Variants in DCK observed in about 807,000 individuals in gnomAD.
DCK encodes the protein deoxyadenosine kinase.
In DCK, 23 loss-of-function variants were observed where a neutral mutation model predicts 38.3. The observed-to-expected ratio is 0.60, with a 90% CI of 0.43 to 0.85. DCK has a LOEUF of 0.85. Among genes scored for constraint, DCK ranks in the 40% least tolerant of loss-of-function variants. The pLI, the probability that DCK is intolerant of heterozygous loss-of-function variation, is 0.00. For missense variants in DCK, 259 were observed against 304.4 expected, an observed-to-expected ratio of 0.85 and a Z score of 1.11; for synonymous variants, 108 against 100.6, an observed-to-expected ratio of 1.07 and a Z score of -0.44.
chr4:71,008,972 G>A (rs7698012), intron 2 of DCK, among the ~76,000 whole-genome samples: 148,395 of 152,282 alleles, frequency 0.97, 72,427 homozygotes, highest in Non-Finnish European at 1. Context: ...GGGAAGGGTA[G>A]GAGGAGGGGA....
chr4:71,026,254 G>A (rs1358216387), intron 5 of DCK, among the ~76,000 whole-genome samples: 1 of 152,094 alleles, frequency 6.6e-6, no homozygotes, highest in African/African-American at 2.4e-5. Context: ...AGATTGTATA[G>A]CGTGGTTGTT....
intron 2 of DCK, among the ~76,000 whole-genome samples, chr4:71,021,607 G>A (rs1018554084): frequency 2.6e-5 from 4 of 152,130 alleles, no homozygotes; most frequent in African/African-American, 7.2e-5. Context: ...AAAATCATCC[G>A]GGAATGGTGG....
At chr4:70,999,452 T>C (rs1560678900) in intron 2 of DCK, among the ~76,000 whole-genome samples, 1 of 152,366 alleles carries the variant, frequency 6.6e-6, no homozygotes, top group Non-Finnish European at 1.5e-5. Flanking sequence ...TCCAAGTCTT[T>C]GCTATTGTGA....
chr4:71,008,360 C>T (rs1739999865), intron 2 of DCK, among the ~76,000 whole-genome samples: 1 of 152,118 alleles, frequency 6.6e-6, no homozygotes, highest in Admixed American at 6.6e-5. Flanking sequence ...ATTTGTATTT[C>T]CCCGCTGGCT....
intron 2 of DCK, among the ~76,000 whole-genome samples, chr4:71,013,805 A>C (rs1050112260): frequency 6.6e-6 from 1 of 152,234 alleles, no homozygotes; most frequent in Admixed American, 6.5e-5. Flanking sequence ...CTGCAAAAAC[A>C]TGCCAAATTG....
chr4:71,016,032 C>T (rs962580127), intron 2 of DCK, among the ~76,000 whole-genome samples: 1 of 152,138 alleles, frequency 6.6e-6, no homozygotes, highest in African/African-American at 2.4e-5. Context: ...ATTTAGAAAA[C>T]CCCATCGTCT....
chr4:70,999,288 G>A (rs1445637642), intron 2 of DCK, among the ~76,000 whole-genome samples: 1 of 152,112 alleles, frequency 6.6e-6, no homozygotes, highest in East Asian at 1.9e-4. Flanking sequence ...TCCTGTTCCT[G>A]TGTTAGCTTG....
chr4:71,010,282 C>T (rs1740053298), intron 2 of DCK, among the ~76,000 whole-genome samples: 1 of 151,050 alleles, frequency 6.6e-6, no homozygotes, highest in South Asian at 2.1e-4. Flanking sequence ...ATTATGTTCT[C>T]TCCCTTCTCC....
At chr4:70,998,233 G>A in intron 2 of DCK, 51 bp downstream of exon 2, 1 of 841,346 alleles carries the variant, frequency 1.2e-6, no homozygotes, top group Non-Finnish European at 1.9e-6. Flanking sequence ...TAGAGGAGCA[G>A]TAGTACTTAA....
chr4:71,005,508 A>ATT (rs748284378), intron 2 of DCK, among the ~76,000 whole-genome samples: 4 of 142,518 alleles, frequency 2.8e-5, no homozygotes, highest in Non-Finnish European at 6.2e-5. Flanking sequence ...GTCTTTTCTA[A>ATT]TTTTTTTTTT....
At chr4:71,003,048 G>A (rs942606293) in intron 2 of DCK, among the ~76,000 whole-genome samples, 2 of 152,154 alleles carry the variant, frequency 1.3e-5, no homozygotes, top group African/African-American at 4.8e-5. Context: ...TTTCTTCATA[G>A]TGTCGATGGT....
chr4:71,028,503 T>C, intron 6 of DCK: 3 of 322,622 alleles, frequency 9.3e-6, no homozygotes, highest in South Asian at 7.0e-5. Context: ...TGAGCTTTGA[T>C]TGCACCACTG....
At chr4:71,007,787 T>G (rs2148914469) in intron 2 of DCK, among the ~76,000 whole-genome samples, 1 of 152,346 alleles carries the variant, frequency 6.6e-6, no homozygotes, top group Middle Eastern at 3.4e-3. Context: ...GCAGCCATGG[T>G]TCACTGCAGC....
At position 71,002,654 on chromosome 4, in the gene DCK, G is replaced by A. The variant is rs561325485; in HGVS notation, c.207+4472G>A. 2.1e-3 allele frequency among the ~76,000 whole-genome samples: 324 copies of A among 152,218 alleles called. 2 individuals are homozygous for A. The highest frequency in any genetic ancestry group is 7.4e-3 in the African/African-American group (308 of 41,524). On this transcript the variant is annotated intron_variant, in intron 2 of 6. Coordinates refer to ENST00000286648, the MANE Select transcript of DCK (RefSeq NM_000788.3). ...GAATCTGGGTGCTCCTGTATTGGGT[G>A]CATATCTATTTAGGATAGTTAGCTC...
At chr4:70,996,607 C>G (rs758859315) in intron 1 of DCK, among the ~76,000 whole-genome samples, 11 of 152,190 alleles carry the variant, frequency 7.2e-5, no homozygotes, top group Non-Finnish European at 1.3e-4. Flanking sequence ...TCTCCTTCAC[C>G]TTATTTGCCA....
chr4:71,015,514 C>T (rs1237610544), intron 2 of DCK, among the ~76,000 whole-genome samples: 3 of 152,196 alleles, frequency 2.0e-5, no homozygotes, highest in African/African-American at 7.2e-5. Context: ...CCCTGATGAA[C>T]ATCGATGCAA....
intron 2 of DCK, among the ~76,000 whole-genome samples, chr4:71,012,733 CA>C (rs767441723): frequency 6.6e-6 from 1 of 152,184 alleles, no homozygotes; most frequent in Non-Finnish European, 1.5e-5. Context: ...AACTAACAAA[CA>C]GAAAGGACAT....
chr4:71,027,987 A>G (rs187025127), intron 6 of DCK, among the ~76,000 whole-genome samples: 1 of 152,328 alleles, frequency 6.6e-6, no homozygotes, highest in African/African-American at 2.4e-5. Context: ...TTACAAGGCA[A>G]TAATTTTTGT....
intron 1 of DCK, 142 bp from the exon 2 acceptor site, chr4:70,997,925 T>C: frequency 4.2e-6 from 2 of 473,486 alleles, no homozygotes; most frequent in Non-Finnish European, 7.6e-6. Context: ...TCTAAAGAAA[T>C]ATGAAGAGAA....
Sources: allele counts gnomAD v4.1 joint callset (sites outside exome capture counted in the v4.1 genomes callset), GRCh38; gene constraint gnomAD v4.1.1; transcripts MANE v1.5; gene names NCBI Gene and HGNC (gene_info 2026-07-23, HGNC 2026-07-21).